Variants in CFAP20DC observed in about 807,000 individuals in gnomAD.
CFAP20DC encodes the protein CFAP20 domain containing, also known as protein CFAP20DC.
Under a neutral mutation model 101.7 loss-of-function variants are expected in CFAP20DC, and 84 were observed. That is an observed-to-expected ratio of 0.83 (90% CI 0.69 to 0.99). The LOEUF is 0.99. Among genes scored for constraint, CFAP20DC ranks in the 50% least tolerant of loss-of-function variants. The pLI, the probability that CFAP20DC is intolerant of heterozygous loss-of-function variation, is 0.00. For missense variants in CFAP20DC, 1,007 were observed against 970.3 expected, an observed-to-expected ratio of 1.04 and a Z score of -0.50; for synonymous variants, 359 against 351.2, an observed-to-expected ratio of 1.02 and a Z score of -0.25.
At chr3:59,047,300 G>A in intron 1 of CFAP20DC, 46 bp from the exon 2 acceptor site, 1 of 1,277,626 alleles carries the variant, frequency 7.8e-7, no homozygotes, top group East Asian at 2.5e-5. Flanking sequence ...TAACGAGGAA[G>A]TATTATCCAC....
rs558631230 is a variant in CFAP20DC at position 58,820,089 on chromosome 3, A to G, written c.2175+11597T>C. On this transcript the variant is annotated intron_variant, in intron 14 of 16. Coordinates refer to ENST00000482387, the MANE Select transcript of CFAP20DC (RefSeq NM_001394063.1). ...CAGAAAAAGCCTTTGACAAAATTCA[A>G]CAACCCTTCATGCTAAGAACTCTGA... is the stretch of plus-strand genomic sequence containing the variant. Among the ~76,000 whole-genome samples, 3 of 152,050 alleles carry G rather than the reference A, an allele frequency of 2.0e-5. No homozygotes were observed. In the South Asian group the frequency reaches 6.3e-4, roughly 32 times the overall value.
At chr3:58,957,454 A>G (rs927253787) in intron 4 of CFAP20DC, among the ~76,000 whole-genome samples, 1 of 152,206 alleles carries the variant, frequency 6.6e-6, no homozygotes, top group African/African-American at 2.4e-5. Context: ...GGTTCCTCAA[A>G]AAACTAAAAA....
intron 13 of CFAP20DC, among the ~76,000 whole-genome samples, chr3:58,843,591 A>G (rs1371861847): frequency 6.6e-6 from 1 of 152,006 alleles, no homozygotes; most frequent in Non-Finnish European, 1.5e-5. Context: ...AACACTCTGC[A>G]GGATATTATC....
rs1217734166 is a variant in CFAP20DC, at chr3:58,847,445, T to C, written c.1971+1587A>G. Among the ~76,000 whole-genome samples the C allele has an allele frequency of 3.0e-3, 446 of 150,140 alleles. 4 individuals are homozygous for C. Among genetic ancestry groups the C allele is most frequent in the African/African-American group, 0.01 (428 of 41,322 alleles). ...TCACCATCACTGGCCATCAGAGAAA[T>C]GCAAATCAAAACCACAATGAGATAC... On this transcript the variant is annotated intron_variant, in intron 13 of 16. Coordinates refer to ENST00000482387, the MANE Select transcript of CFAP20DC (RefSeq NM_001394063.1).
chr3:58,759,267 T>A (rs544911814), intron 15 of CFAP20DC, among the ~76,000 whole-genome samples: 1 of 152,358 alleles, frequency 6.6e-6, no homozygotes, highest in Non-Finnish European at 1.5e-5. Context: ...GTGGTTTTGA[T>A]TTGCATTTCT....
At chr3:58,807,507 C>T (rs573611336) in intron 14 of CFAP20DC, among the ~76,000 whole-genome samples, 1 of 152,342 alleles carries the variant, frequency 6.6e-6, no homozygotes, top group East Asian at 1.9e-4. Context: ...GCTGAGGGTC[C>T]TGTCTGTTAG....
At chr3:59,023,741 C>G (rs2093844670) in intron 4 of CFAP20DC, among the ~76,000 whole-genome samples, 1 of 152,056 alleles carries the variant, frequency 6.6e-6, no homozygotes, top group African/African-American at 2.4e-5. Context: ...AAATACTGAT[C>G]ATTTAAAAAG....
intron 12 of CFAP20DC, among the ~76,000 whole-genome samples, chr3:58,856,384 G>A (rs889897596): frequency 2.0e-5 from 3 of 151,976 alleles, no homozygotes; most frequent in African/African-American, 7.3e-5. Flanking sequence ...TTAAGATTGG[G>A]TGCCAATCTG....
At position 58,897,400 on chromosome 3, in the gene CFAP20DC, T is replaced by A. The variant is rs1319162742; in HGVS notation, c.551-12691A>T. ...TTAGTATTGTTACGTGGGAATTTGA[T>A]CCTGTCAACATGATAGCTGGTTATT... On this transcript the variant is annotated intron_variant, in intron 6 of 16. Coordinates refer to ENST00000482387, the MANE Select transcript of CFAP20DC (RefSeq NM_001394063.1). This position sits in a 1 kb window ranked among gnomAD's most constrained non-coding sequence, Gnocchi z 4.4. 6.6e-6 allele frequency among the ~76,000 whole-genome samples: 1 copy of A among 152,222 alleles called. No homozygotes were observed. Among genetic ancestry groups the A allele is most frequent in the Non-Finnish European group, 1.5e-5 (1 of 68,036 alleles).
chr3:58,883,156 T>C (rs1433325145), intron 7 of CFAP20DC, among the ~76,000 whole-genome samples: 1 of 152,216 alleles, frequency 6.6e-6, no homozygotes, highest in African/African-American at 2.4e-5. Context: ...GACCACTCTC[T>C]CATCCCCATC....
At chr3:58,879,916 TATAC>T (rs1173894094) in intron 7 of CFAP20DC, among the ~76,000 whole-genome samples, 1 of 152,116 alleles carries the variant, frequency 6.6e-6, no homozygotes, top group African/African-American at 2.4e-5. Flanking sequence ...AATATTTAAC[TATAC>T]ATAGACTTTC....
At chr3:58,834,576 G>A (rs1190319194) in intron 13 of CFAP20DC, among the ~76,000 whole-genome samples, 2 of 152,146 alleles carry the variant, frequency 1.3e-5, no homozygotes, top group African/African-American at 4.8e-5. Flanking sequence ...CAGTGGTTAA[G>A]CCAGAAAAAT....
intron 5 of CFAP20DC, among the ~76,000 whole-genome samples, chr3:58,934,304 C>T (rs903390870): frequency 3.3e-5 from 5 of 152,048 alleles, no homozygotes; most frequent in Admixed American, 6.6e-5. Flanking sequence ...AAAAAGAGTC[C>T]AGGACCAGAT....
chr3:58,866,578 G>T lies in CFAP20DC; in HGVS notation c.1246C>A (p.Pro416Thr). 2 of 1,611,204 alleles carry T rather than the reference G, an allele frequency of 1.2e-6. No homozygotes were observed. Among genetic ancestry groups the T allele is most frequent in the Non-Finnish European group, 1.7e-6 (2 of 1,178,750 alleles). ...LNSGTLGPQS[P>T]DQSDEWIFPE... ...TAAAGATGCCAACCTGATTGATCAGGAGACTGGGGTCCTAGAGTGCCGGAG... is the reference window on the plus strand; with the variant it reads ...TAAAGATGCCAACCTGATTGATCAGTAGACTGGGGTCCTAGAGTGCCGGAG... Residue 416 changes from proline (P) to threonine (T), a missense_variant, in exon 11 of 17, where the codon CCT becomes ACT. Coordinates refer to ENST00000482387, the MANE Select transcript of CFAP20DC (RefSeq NM_001394063.1).
chr3:58,875,495 G>A (rs1434033719), intron 7 of CFAP20DC, among the ~76,000 whole-genome samples: 1 of 152,136 alleles, frequency 6.6e-6, no homozygotes, highest in African/African-American at 2.4e-5. Context: ...GCCTGGGAGG[G>A]ATTTCTGTAC....
intron 14 of CFAP20DC, among the ~76,000 whole-genome samples, chr3:58,815,636 TACAATGAACTCAA>T (rs1478867779): frequency 2.0e-5 from 3 of 151,446 alleles, no homozygotes; most frequent in Non-Finnish European, 4.4e-5. Flanking sequence ...ATCCAGAATC[TACAATGAACTCAA>T]ACAAATTTAC....
At chr3:58,841,936 T>C (rs2077146450) in intron 13 of CFAP20DC, among the ~76,000 whole-genome samples, 1 of 152,220 alleles carries the variant, frequency 6.6e-6, no homozygotes, top group Non-Finnish European at 1.5e-5. Context: ...TCGTTCAAAA[T>C]TGCTTGAATA....
intron 15 of CFAP20DC, among the ~76,000 whole-genome samples, chr3:58,797,340 G>T (rs1411096349): frequency 6.6e-6 from 1 of 152,156 alleles, no homozygotes; most frequent in Admixed American, 6.5e-5. Flanking sequence ...TTGGTGATAT[G>T]GAGAAAGTTT....
chr3:58,948,512 T>C (rs968350282), intron 4 of CFAP20DC, among the ~76,000 whole-genome samples: 5 of 152,238 alleles, frequency 3.3e-5, no homozygotes, highest in Admixed American at 3.3e-4. Flanking sequence ...TCTTTTCCTT[T>C]GTTTTCACAG....
Sources: allele counts gnomAD v4.1 joint callset (sites outside exome capture counted in the v4.1 genomes callset), GRCh38; gene constraint gnomAD v4.1.1; non-coding constraint Gnocchi (gnomAD v3.1); transcripts MANE v1.5; gene names NCBI Gene and HGNC (gene_info 2026-07-23, HGNC 2026-07-21).